The following NBPF11 variants were observed in gnomAD, a reference collection of about 807,000 sequenced individuals.
NBPF11 encodes the protein NBPF member 11.
NBPF11 carries 72 observed loss-of-function variants against 93.9 expected under a neutral mutation model. That is an observed-to-expected ratio of 0.77 (90% CI 0.63 to 0.93). The LOEUF (loss-of-function observed/expected upper bound fraction) is 0.93. NBPF11 is among the 40% of genes least tolerant of loss of function. The pLI is 0.00. For missense variants in NBPF11, 705 were observed against 802.2 expected, an observed-to-expected ratio of 0.88 and a Z score of 1.46; for synonymous variants, 224 against 304.9, an observed-to-expected ratio of 0.73 and a Z score of 2.76.
chr1:148,141,779 G>A (rs1672206597), intron 2 of NBPF11, among the ~76,000 whole-genome samples: 1 of 151,750 alleles, frequency 6.6e-6, no homozygotes, highest in African/African-American at 2.4e-5. Flanking sequence ...AGCTGCCCCA[G>A]TGGCACCCAC....
At chr1:148,106,583 C>T (rs1336969111) in intron 20 of NBPF11, among the ~76,000 whole-genome samples, 5 of 140,724 alleles carry the variant, frequency 3.6e-5, no homozygotes, top group Admixed American at 1.4e-4. Context: ...ATGCCCAGCT[C>T]GTTCACGGAT....
intron 2 of NBPF11, among the ~76,000 whole-genome samples, chr1:148,141,471 T>C (rs1672157562): frequency 1.3e-5 from 2 of 152,070 alleles, no homozygotes; most frequent in East Asian, 1.9e-4. Context: ...AAAAATAACA[T>C]CTATTACTTT....
chr1:148,124,158 C>T, intron 6 of NBPF11, 91 bp from the exon 7 acceptor site: 1 of 1,344,550 alleles, frequency 7.4e-7, no homozygotes, highest in Non-Finnish European at 1.1e-6. Flanking sequence ...ACAATGTTCT[C>T]AAGGAGACCT....
chr1:148,123,496 A>G (rs1289069328), intron 7 of NBPF11, among the ~76,000 whole-genome samples: 2 of 151,770 alleles, frequency 1.3e-5, no homozygotes, highest in South Asian at 2.1e-4. Flanking sequence ...GACACTTACT[A>G]AGAACATTGC....
At position 148,119,364 on chromosome 1, in the gene NBPF11, C is replaced by A. The variant is rs11239905; in HGVS notation, c.989-642G>T. Among the ~76,000 whole-genome samples, 9 of 145,790 alleles carry A rather than the reference C, an allele frequency of 6.2e-5. No individual in the cohort carries two copies. In the East Asian group the frequency reaches 1.6e-3, roughly 26 times the overall value. ...ATAGTGTTTACTCTGTGCCAATAAA[C>A]GTTCTAGGAGATTGACAAGAAATAG... On this transcript the variant is annotated intron_variant, in intron 10 of 23. Transcript: ENST00000682118.
intron 1 of NBPF11, among the ~76,000 whole-genome samples, chr1:148,146,144 C>T (rs1672980962): frequency 2.0e-5 from 3 of 151,646 alleles, no homozygotes; most frequent in African/African-American, 4.8e-5. Context: ...GGCCCGGGGG[C>T]GCGGGCCGGG....
rs1184044073 is a variant in NBPF11, at chr1:148,127,348, A to C, written c.-35-310T>G. ...TGTCATGGAATCTTAGGAGCCCTGC[A>C]TTCCAATTGCCCAGGCTTTGCTGAA... On this transcript the variant is annotated intron_variant, in intron 4 of 23. Transcript: ENST00000682118. 31 of 96,796 alleles carry C rather than the reference A, an allele frequency of 3.2e-4. No homozygotes were observed. In the African/African-American group the frequency reaches 5.4e-3, roughly 17 times the overall value. The allele number at this position is 96,796 out of a possible 1,614,324, so 6.0% of individuals were successfully genotyped here.
At chr1:148,124,507 A>G (rs879062544) in intron 6 of NBPF11, among the ~76,000 whole-genome samples, 4 of 150,880 alleles carry the variant, frequency 2.7e-5, no homozygotes, top group Non-Finnish European at 5.9e-5. Context: ...CAGGGTCGAG[A>G]AGGCAACATT....
chr1:148,142,490 A>T (rs1345094429), intron 2 of NBPF11, among the ~76,000 whole-genome samples: 9 of 150,994 alleles, frequency 6.0e-5, no homozygotes, highest in Admixed American at 5.3e-4. Flanking sequence ...CCACTCCAGA[A>T]GCTGCCCGGC....
intron 15 of NBPF11, among the ~76,000 whole-genome samples, chr1:148,111,579 AC>A (rs1180806822): frequency 6.6e-6 from 1 of 151,222 alleles, no homozygotes; most frequent in Non-Finnish European, 1.5e-5. Flanking sequence ...GGAGCTGAAA[AC>A]CATGGCACGA....
intron 4 of NBPF11, among the ~76,000 whole-genome samples, chr1:148,132,200 T>A (rs1329999564): frequency 1.3e-5 from 1 of 75,948 alleles, no homozygotes; most frequent in Non-Finnish European, 2.7e-5. Context: ...AAACGGTGAA[T>A]ATATATATAT....
At chr1:148,147,871 C>T (rs1297592913) in intron 1 of NBPF11, among the ~76,000 whole-genome samples, 1 of 152,064 alleles carries the variant, frequency 6.6e-6, no homozygotes, top group African/African-American at 2.4e-5. Flanking sequence ...GGCAGAGTCA[C>T]ACCTGCCATG....
At chr1:148,148,484 T>C (rs1647313381) in intron 1 of NBPF11, among the ~76,000 whole-genome samples, 1 of 151,988 alleles carries the variant, frequency 6.6e-6, no homozygotes, top group South Asian at 2.1e-4. Flanking sequence ...GGGGTGAGGG[T>C]GCCCCTGGGT....
intron 4 of NBPF11, among the ~76,000 whole-genome samples, chr1:148,130,722 C>T (rs1670184343): frequency 2.0e-5 from 3 of 151,776 alleles, no homozygotes; most frequent in Non-Finnish European, 4.4e-5. Context: ...AATGGATGCA[C>T]TAACGGAACT....
Position 148,108,647 on chromosome 1 carries a change from T to C in NBPF11, c.1861A>G (p.Arg621Gly), listed in dbSNP as rs1481937393. The change falls in exon 18 of 24, where the codon AGG becomes GGG. Residue 621 changes from arginine (R) to glycine (G), a missense_variant. Arg to Gly is a moderately radical substitution (Grantham distance 125). Transcript: ENST00000682118. ...GGCTCTTTCTCATCCAGCAGCTCCC[T>C]GCTGAGCCTGGAAAAGTGGGAAAAA... ...DQEATGPRLS[R>G]ELLDEKEPEV... 9.0e-7 allele frequency: 1 copy of C among 1,106,562 alleles called. No individual in the cohort carries two copies. The highest frequency in any genetic ancestry group is 1.4e-6 in the Non-Finnish European group (1 of 719,942). 68.5% of individuals were successfully genotyped at this position (1,106,562 alleles called of 1,614,324 possible). A position where few individuals can be genotyped will look rare whatever the true frequency, so the allele number is the denominator to read the frequency against.
chr1:148,132,200 T>C (rs1329999564), intron 4 of NBPF11, among the ~76,000 whole-genome samples: 4 of 75,948 alleles, frequency 5.3e-5, no homozygotes, highest in Non-Finnish European at 1.1e-4. Context: ...AAACGGTGAA[T>C]ATATATATAT....
chr1:148,115,369 C>T (rs1666250973), intron 14 of NBPF11, among the ~76,000 whole-genome samples: 1 of 149,514 alleles, frequency 6.7e-6, no homozygotes, highest in African/African-American at 2.5e-5. Flanking sequence ...AAAGGAGATC[C>T]AGATGAAAGC....
chr1:148,116,590 C>T (rs1666610234), intron 12 of NBPF11, 55 bp from the exon 13 acceptor site: 1 of 637,616 alleles, frequency 1.6e-6, no homozygotes, highest in African/African-American at 1.8e-5. Context: ...TCTGCAAGCA[C>T]AGTCAGCCCA....
chr1:148,151,176 C>T (rs1648215443), intron 1 of NBPF11, among the ~76,000 whole-genome samples: 1 of 151,850 alleles, frequency 6.6e-6, no homozygotes, highest in South Asian at 2.1e-4. Flanking sequence ...CACCACAGTC[C>T]AACCTACCAG....
Sources: allele counts gnomAD v4.1 joint callset (sites outside exome capture counted in the v4.1 genomes callset), GRCh38; gene constraint gnomAD v4.1.1; transcripts MANE v1.5; gene names NCBI Gene and HGNC (gene_info 2026-07-23, HGNC 2026-07-21).